RIC1: variants seen among roughly 807,000 people sequenced by gnomAD.
RIC1 encodes RIC1 partner of RAB6A GEF complex.
A neutral mutation model predicts 169.0 loss-of-function variants in RIC1; 88 were observed. The observed-to-expected ratio is 0.52, with a 90% CI of 0.44 to 0.62. The LOEUF (loss-of-function observed/expected upper bound fraction) is 0.62. Among genes scored for constraint, RIC1 ranks in the 20% least tolerant of loss-of-function variants. The pLI is 0.00. For synonymous variants in RIC1, 790 were observed against 601.5 expected (o/e 1.31, Z -4.59); for missense variants, 1,877 against 1,725.5 (o/e 1.09, Z -1.56).
At chr9:5,691,654 T>C (rs1821597802) in intron 3 of RIC1, among the ~76,000 whole-genome samples, 1 of 152,026 alleles carries the variant, frequency 6.6e-6, no homozygotes, top group African/African-American at 2.4e-5. Context: ...GATAATTTTG[T>C]GATTCTTTTG....
chr9:5,650,154 C>T (rs187816144), intron 1 of RIC1, among the ~76,000 whole-genome samples: 23 of 152,194 alleles, frequency 1.5e-4, no homozygotes, highest in Non-Finnish European at 3.1e-4. Flanking sequence ...GATTCTTAGG[C>T]CTCCATATGG....
intron 3 of RIC1, among the ~76,000 whole-genome samples, chr9:5,700,644 G>C (rs543737965): frequency 6.6e-6 from 1 of 151,768 alleles, no homozygotes; most frequent in South Asian, 2.1e-4. Flanking sequence ...TACTTGAATT[G>C]TCTAACAAGC....
In RIC1 at chr9:5,671,477, T is replaced by C. The variant is rs564211421; in HGVS notation, c.252+14787T>C. On this transcript the variant is annotated intron_variant, in intron 2 of 25. Transcript: ENST00000414202. ...TCTTAGTAGCGACAGGGTTTTGCCA[T>C]GTTGGCCAGGCTGGTCTCTAACTCC... Among the ~76,000 whole-genome samples, 5 of 151,964 alleles carry C rather than the reference T, an allele frequency of 3.3e-5. No individual in the cohort carries two copies. In the South Asian group the frequency reaches 1.0e-3, roughly 31 times the overall value.
intron 3 of RIC1, among the ~76,000 whole-genome samples, chr9:5,701,149 G>A (rs1822192692): frequency 6.6e-6 from 1 of 152,178 alleles, no homozygotes; most frequent in Non-Finnish European, 1.5e-5. Flanking sequence ...TAAAACTGTG[G>A]TATAGCTGGC....
intron 21 of RIC1, among the ~76,000 whole-genome samples, chr9:5,766,957 C>T (rs866115903): frequency 4.3e-4 from 66 of 152,324 alleles, no homozygotes; most frequent in South Asian, 1.2e-3. Flanking sequence ...TACATTCCCA[C>T]CGGCAGTGTA....
At position 5,714,007 on chromosome 9, in the gene RIC1, C is replaced by T. The variant is rs745959243; in HGVS notation, c.440+4C>T. 21 of 1,591,812 alleles carry T rather than the reference C, an allele frequency of 1.3e-5. No homozygotes were observed. Among genetic ancestry groups the T allele is most frequent in the Non-Finnish European group, 2.6e-6 (3 of 1,162,014 alleles). ...ATTTACAAGCACCCATCATGAGGTACAGTACTTTGGTTAAATTTGACATTG... is the reference window on the plus strand; with the variant it reads ...ATTTACAAGCACCCATCATGAGGTATAGTACTTTGGTTAAATTTGACATTG... On this transcript the variant is annotated splice_donor_region_variant and intron_variant, in intron 4 of 25. Transcript: ENST00000414202.
chr9:5,684,731 A>G (rs1031317422), intron 2 of RIC1, among the ~76,000 whole-genome samples: 2 of 152,112 alleles, frequency 1.3e-5, no homozygotes, highest in East Asian at 1.9e-4. Context: ...TTTACTGCCT[A>G]GAGTCTAGAC....
At chr9:5,645,814 G>A (rs983014586) in intron 1 of RIC1, among the ~76,000 whole-genome samples, 2 of 152,106 alleles carry the variant, frequency 1.3e-5, no homozygotes, top group Non-Finnish European at 2.9e-5. Flanking sequence ...ATGGACACAT[G>A]GGCTGCTTTT....
intron 3 of RIC1, among the ~76,000 whole-genome samples, chr9:5,700,926 C>G (rs1232654197): frequency 6.6e-6 from 1 of 152,082 alleles, no homozygotes; most frequent in East Asian, 1.9e-4. Flanking sequence ...GTATAATTTC[C>G]TACTGCTTCC....
Position 5,640,403 on chromosome 9 carries a change from C to T in RIC1, c.144+10950C>T, listed in dbSNP as rs1818182227. On this transcript the variant is annotated intron_variant, in intron 1 of 25. Coordinates refer to ENST00000414202, the MANE Select transcript of RIC1 (RefSeq NM_020829.4). ...TCTACACTTTAACTTCATCCCTCTA[C>T]ACTTTAACTTCATCCCTCTGCTTTT... Among the ~76,000 whole-genome samples, 4 of 152,298 alleles carry T rather than the reference C, an allele frequency of 2.6e-5. No individual in the cohort carries two copies. In the South Asian group the frequency reaches 8.3e-4, roughly 32 times the overall value.
chr9:5,663,916 C>T (rs910222639), intron 2 of RIC1, among the ~76,000 whole-genome samples: 2 of 152,120 alleles, frequency 1.3e-5, no homozygotes, highest in Non-Finnish European at 2.9e-5. Context: ...CTGTTTACTT[C>T]AGTGTGTTTT....
At chr9:5,679,711 A>G (rs556244439) in intron 2 of RIC1, among the ~76,000 whole-genome samples, 2 of 152,326 alleles carry the variant, frequency 1.3e-5, no homozygotes, top group Admixed American at 1.3e-4. Flanking sequence ...ACTTTGCTGA[A>G]GTTGCTTATC....
chr9:5,770,363 T>G, intron 23 of RIC1, 85 bp downstream of exon 23: 1 of 1,182,810 alleles, frequency 8.5e-7, no homozygotes, highest in South Asian at 1.5e-5. Context: ...ACCTTCATTC[T>G]TTTTCTATCG....
intron 1 of RIC1, among the ~76,000 whole-genome samples, chr9:5,647,760 G>A (rs571910529): frequency 6.6e-6 from 1 of 152,068 alleles, no homozygotes. Context: ...GATTGCTCTG[G>A]CTAGGGCTTT....
At chr9:5,777,514 CATA>C (rs1827657379), downstream of RIC1, among the ~76,000 whole-genome samples, 1 of 152,022 alleles carries the variant, frequency 6.6e-6, no homozygotes, top group East Asian at 1.9e-4. Context: ...TCACTTTCTC[CATA>C]ATGTCCTTTG....
At chr9:5,647,671 A>G (rs1239811952) in intron 1 of RIC1, among the ~76,000 whole-genome samples, 10 of 152,216 alleles carry the variant, frequency 6.6e-5, no homozygotes, top group Admixed American at 6.5e-4. Flanking sequence ...GTCTTTACAT[A>G]TAAGATCATG....
In RIC1 at chr9:5,775,104, A is replaced by G. The variant is rs1261835470; in HGVS notation, c.*858A>G. 1 of 152,188 alleles carries G rather than the reference A, an allele frequency of 6.6e-6. No individual in the cohort carries two copies. The highest frequency in any genetic ancestry group is 1.9e-4 in the East Asian group (1 of 5,198). 9.4% of individuals were successfully genotyped at this position (152,188 alleles called of 1,614,324 possible). A position where few individuals can be genotyped will look rare whatever the true frequency, so the allele number is the denominator to read the frequency against. On this transcript the variant is annotated 3_prime_UTR_variant, in exon 26 of 26. Coordinates refer to ENST00000414202, the MANE Select transcript of RIC1 (RefSeq NM_020829.4). ...GGCTTGCTCCTCTGCAAAACTGAGG[A>G]AGACAGGTTTATTGGCTTGGTCATG...
Position 5,654,921 on chromosome 9 carries a change from G to T in RIC1, c.145-1662G>T, listed in dbSNP as rs183303567. Among the ~76,000 whole-genome samples, 232 of 152,186 alleles carry T rather than the reference G, an allele frequency of 1.5e-3. 2 individuals are homozygous for T. Among genetic ancestry groups the T allele is most frequent in the Middle Eastern group, 0.01 (3 of 294 alleles). On this transcript the variant is annotated intron_variant, in intron 1 of 25. Transcript: ENST00000414202. ...GTATATAGAAAATTTATTGACTTTTGTATATTAATCTTGGATCCTGTAACC... is the reference window on the plus strand; with the variant it reads ...GTATATAGAAAATTTATTGACTTTTTTATATTAATCTTGGATCCTGTAACC...
At chr9:5,648,268 G>A (rs1818630742) in intron 1 of RIC1, among the ~76,000 whole-genome samples, 1 of 152,154 alleles carries the variant, frequency 6.6e-6, no homozygotes, top group East Asian at 1.9e-4. Context: ...ACAGCTGTGA[G>A]CCATCATGCC....
Sources: allele counts gnomAD v4.1 joint callset (sites outside exome capture counted in the v4.1 genomes callset), GRCh38; gene constraint gnomAD v4.1.1; transcripts MANE v1.5; gene names NCBI Gene and HGNC (gene_info 2026-07-23, HGNC 2026-07-21).